Variants in TMEM132D observed in about 807,000 individuals in gnomAD.
TMEM132D encodes transmembrane protein 132D, also known as mature OL transmembrane protein.
A neutral mutation model predicts 62.3 loss-of-function variants in TMEM132D; 21 were observed. The ratio of observed to expected loss-of-function variants is 0.34; its 90% CI spans 0.24 to 0.49. The LOEUF is 0.49. Ranked by LOEUF, TMEM132D falls within the 20% of genes least tolerant of loss-of-function variation. The pLI is 0.99. For missense variants in TMEM132D, 1,346 were observed against 1,402.8 expected, an observed-to-expected ratio of 0.96 and a Z score of 0.65; for synonymous variants, 621 against 575.6, an observed-to-expected ratio of 1.08 and a Z score of -1.13.
At chr12:129,285,054 A>G (rs1257304754) in intron 4 of TMEM132D, among the ~76,000 whole-genome samples, 1 of 152,182 alleles carries the variant, frequency 6.6e-6, no homozygotes, top group Non-Finnish European at 1.5e-5. Context: ...ATTTGATGTT[A>G]TTTGACTTTC....
chr12:129,269,890 C>T (rs192816488), intron 4 of TMEM132D, among the ~76,000 whole-genome samples: 90 of 152,270 alleles, frequency 5.9e-4, no homozygotes, highest in African/African-American at 1.9e-3. Context: ...CAGCTATTGC[C>T]ACTTAATGAT....
chr12:129,155,319 AT>A (rs1400385836), intron 5 of TMEM132D, among the ~76,000 whole-genome samples: 2 of 152,128 alleles, frequency 1.3e-5, no homozygotes, highest in Non-Finnish European at 2.9e-5. Context: ...CTTGATGGTG[AT>A]TATGGAGTGA....
chr12:129,475,841 C>T (rs1317434605), intron 3 of TMEM132D, among the ~76,000 whole-genome samples: 3 of 152,076 alleles, frequency 2.0e-5, no homozygotes, highest in African/African-American at 7.2e-5. Flanking sequence ...GAAAGTTGAA[C>T]AACTTTTGAA....
intron 1 of TMEM132D, among the ~76,000 whole-genome samples, chr12:129,862,339 C>G (rs1357304352): frequency 6.6e-6 from 1 of 152,232 alleles, no homozygotes; most frequent in Admixed American, 6.5e-5. Flanking sequence ...CTTGCTGGGG[C>G]TGGCTGAGGA....
chr12:129,707,581 G>A (rs1179398533), intron 1 of TMEM132D, among the ~76,000 whole-genome samples: 3 of 152,156 alleles, frequency 2.0e-5, no homozygotes, highest in African/African-American at 7.2e-5. Context: ...ATGTGTTGAA[G>A]CTGTCCCCAA....
intron 3 of TMEM132D, among the ~76,000 whole-genome samples, chr12:129,389,824 G>A (rs766422204): frequency 3.3e-5 from 5 of 152,170 alleles, no homozygotes; most frequent in Admixed American, 6.5e-5. Context: ...TTGAAGAGAC[G>A]GAGGCAGAGA....
chr12:129,190,749 C>T (rs12422751), intron 5 of TMEM132D, among the ~76,000 whole-genome samples: 31,249 of 152,150 alleles, frequency 0.21, 3,753 homozygotes, highest in East Asian at 0.51. Flanking sequence ...TTGTTTCTAA[C>T]CTACAGAACT....
chr12:129,325,497 C>T (rs1868877234), intron 4 of TMEM132D, among the ~76,000 whole-genome samples: 1 of 152,152 alleles, frequency 6.6e-6, no homozygotes, highest in African/African-American at 2.4e-5. Flanking sequence ...GATCCAAAGG[C>T]TTGTTGGAAT....
At chr12:129,418,343 AAAG>A (rs1163236705) in intron 3 of TMEM132D, among the ~76,000 whole-genome samples, 8 of 152,252 alleles carry the variant, frequency 5.3e-5, no homozygotes, top group African/African-American at 1.9e-4. Flanking sequence ...TGGATAAAAA[AAAG>A]TGACACATAT....
rs1413697775 is a variant in TMEM132D at position 129,074,070 on chromosome 12, T to G, written c.3105A>C (p.Pro1035=). 2 of 1,613,900 alleles carry G rather than the reference T, an allele frequency of 1.2e-6. No homozygotes were observed. The highest frequency in any genetic ancestry group is 1.7e-6 in the Non-Finnish European group (2 of 1,179,990). The change falls in exon 9 of 9, where the codon CCA becomes CCC. Residue 1035 remains proline, a synonymous_variant. Transcript: ENST00000422113. ...TTTTCCTTTTTGAGGTAGGGGATGT[T>G]GGGGGCTCACTTTTCTGATCTTTCC... ...IDGKDQKSEP[P]TSPTSKRKRV...
chr12:129,444,125 G>C (rs768694754), intron 3 of TMEM132D, among the ~76,000 whole-genome samples: 3 of 152,062 alleles, frequency 2.0e-5, no homozygotes, highest in Non-Finnish European at 4.4e-5. Context: ...ATGGATGAAA[G>C]ACTTAAATGT....
At chr12:129,254,274 GA>G in intron 4 of TMEM132D, among the ~76,000 whole-genome samples, 1 of 152,232 alleles carries the variant, frequency 6.6e-6, no homozygotes, top group Non-Finnish European at 1.5e-5. Context: ...CGATTACTCT[GA>G]TTTGATCATT....
intron 5 of TMEM132D, among the ~76,000 whole-genome samples, chr12:129,206,791 T>G (rs1878860621): frequency 6.6e-6 from 1 of 152,232 alleles, no homozygotes; most frequent in Non-Finnish European, 1.5e-5. Flanking sequence ...AATGAGATCA[T>G]GTCCTTTGCA....
At chr12:129,170,489 T>C (rs1201624046) in intron 5 of TMEM132D, among the ~76,000 whole-genome samples, 1 of 152,214 alleles carries the variant, frequency 6.6e-6, no homozygotes, top group East Asian at 1.9e-4. Context: ...AGCATGAAAT[T>C]GCATTATGTC....
chr12:129,151,735 T>C (rs2135536051), intron 5 of TMEM132D, among the ~76,000 whole-genome samples: 1 of 152,292 alleles, frequency 6.6e-6, no homozygotes, highest in Admixed American at 6.5e-5. Context: ...GCAGAGGGCT[T>C]TCCAGATGTT....
At chr12:129,362,358 G>C (rs1024991878) in intron 3 of TMEM132D, among the ~76,000 whole-genome samples, 4 of 152,050 alleles carry the variant, frequency 2.6e-5, no homozygotes, top group African/African-American at 4.8e-5. Flanking sequence ...TCAAAAGTGA[G>C]GCAATATTCT....
intron 2 of TMEM132D, among the ~76,000 whole-genome samples, chr12:129,693,930 C>T (rs1031771934): frequency 5.3e-5 from 8 of 152,142 alleles, no homozygotes; most frequent in East Asian, 1.9e-4. Flanking sequence ...TCTTCCCACC[C>T]GCTCATGAAT....
chr12:129,516,967 T>C (rs1037539619), intron 3 of TMEM132D, among the ~76,000 whole-genome samples: 1 of 152,078 alleles, frequency 6.6e-6, no homozygotes, highest in Non-Finnish European at 1.5e-5. Flanking sequence ...CATTACCACA[T>C]CTCCTACTTC....
intron 1 of TMEM132D, among the ~76,000 whole-genome samples, chr12:129,829,626 T>C (rs1872769603): frequency 6.6e-6 from 1 of 152,112 alleles, no homozygotes; most frequent in Admixed American, 6.6e-5. Context: ...TAGCCCCGTG[T>C]TTTCCCTTCC....
Sources: gnomAD v4.1 joint callset for allele counts (sites outside exome capture counted in the v4.1 genomes callset) on GRCh38, gnomAD v4.1.1 for gene constraint, MANE v1.5 for transcripts, NCBI Gene and HGNC (gene_info 2026-07-23, HGNC 2026-07-21) for gene names.